The following UBE2J2 variants were observed in gnomAD, a reference collection of about 807,000 sequenced individuals.
The protein encoded by UBE2J2 is ubiquitin conjugating enzyme E2 J2, also known as ubiquitin-conjugating enzyme E2 J2.
UBE2J2 carries 5 observed loss-of-function variants against 28.6 expected under a neutral mutation model. The ratio of observed to expected loss-of-function variants is 0.17; its 90% CI spans 0.09 to 0.37. The LOEUF (loss-of-function observed/expected upper bound fraction) is 0.37. Among genes scored for constraint, UBE2J2 ranks in the 10% least tolerant of loss-of-function variants. UBE2J2 has a pLI of 1.00. For synonymous variants in UBE2J2, 138 were observed against 139.7 expected, an observed-to-expected ratio of 0.99 and a Z score of 0.09; for missense variants, 226 against 338.9, an observed-to-expected ratio of 0.67 and a Z score of 2.62.
Position 1,259,157 on chromosome 1 carries a change from C to T in UBE2J2, c.173-1847G>A, listed in dbSNP as rs191592000. Among the ~76,000 whole-genome samples, 343 of 148,956 alleles carry T rather than the reference C, an allele frequency of 2.3e-3. 2 individuals are homozygous for T. Among genetic ancestry groups the T allele is most frequent in the Admixed American group, 4.8e-3 (73 of 15,068 alleles). On this transcript the variant is annotated intron_variant, in intron 3 of 6. Transcript: ENST00000349431. Reference sequence around the variant, plus strand: ...TGCATGCCATCAGGACGCGTGTGTGCGTGTCTGAGTGTGTGCATGCCATCA... The same window carrying T: ...TGCATGCCATCAGGACGCGTGTGTGTGTGTCTGAGTGTGTGCATGCCATCA...
At chr1:1,259,227 T>C (rs1240096505) in intron 3 of UBE2J2, among the ~76,000 whole-genome samples, 1 of 149,326 alleles carries the variant, frequency 6.7e-6, no homozygotes, top group African/African-American at 2.5e-5. Flanking sequence ...TCAGGACGCA[T>C]GTATGTGCGT....
At chr1:1,269,746 G>A (rs998644565) in intron 1 of UBE2J2, among the ~76,000 whole-genome samples, 3 of 152,292 alleles carry the variant, frequency 2.0e-5, no homozygotes, top group African/African-American at 4.8e-5. Flanking sequence ...TTACAGGCGT[G>A]AGTCCCCGCG....
chr1:1,272,859 T>C (rs922952459), intron 1 of UBE2J2: 2 of 153,528 alleles, frequency 1.3e-5, no homozygotes, highest in African/African-American at 4.8e-5. Context: ...TCACGATCCT[T>C]TCTTCGGAAG....
At chr1:1,256,467 C>A in intron 5 of UBE2J2, 2 of 273,304 alleles carry the variant, frequency 7.3e-6, no homozygotes, top group South Asian at 8.2e-5. Flanking sequence ...GTGGATGAGG[C>A]TGGATGTGGA....
At chr1:1,263,208 T>A in intron 3 of UBE2J2, 138 bp downstream of exon 3, 1 of 783,290 alleles carries the variant, frequency 1.3e-6, no homozygotes, top group Non-Finnish European at 2.2e-6. Context: ...CGAGGAGGAG[T>A]TCCAACTAAG....
In UBE2J2 at chr1:1,268,605, G is replaced by C. The variant is rs564829596; in HGVS notation, c.1-613C>G. Among the ~76,000 whole-genome samples the C allele has an allele frequency of 1.3e-5, 2 of 152,220 alleles. No individual in the cohort carries two copies. The highest frequency in any genetic ancestry group is 2.9e-5 in the Non-Finnish European group (2 of 68,046). The stretch of plus-strand genomic sequence containing the variant: ...GGTAGAAGGGGCCACAGGTGAACAG[G>C]CCACACCTGAGAAAGTGCAGTGTGC... On this transcript the variant is annotated intron_variant, in intron 1 of 6. Transcript: ENST00000349431. This position sits in a 1 kb window ranked among gnomAD's most constrained non-coding sequence, Gnocchi z 4.7.
chr1:1,267,836 G>A (rs1248131711), intron 2 of UBE2J2, 26 bp downstream of exon 2: 1 of 1,612,292 alleles, frequency 6.2e-7, no homozygotes, highest in Non-Finnish European at 8.5e-7. Flanking sequence ...AGTCAGCGCA[G>A]GGCGATCAGT....
intron 5 of UBE2J2, among the ~76,000 whole-genome samples, chr1:1,256,491 G>A (rs1639180650): frequency 1.3e-5 from 2 of 152,208 alleles, no homozygotes; most frequent in South Asian, 2.1e-4. Flanking sequence ...AAGCAAGACC[G>A]AGAGGCAGCG....
At chr1:1,265,603 T>TGTGTG (rs1639809833) in intron 2 of UBE2J2, among the ~76,000 whole-genome samples, 7 of 121,024 alleles carry the variant, frequency 5.8e-5, no homozygotes, top group East Asian at 2.6e-4. Flanking sequence ...TTTCTCTCCA[T>TGTGTG]TGTGTGTGTG....
Position 1,257,275 on chromosome 1 carries a change from C to A in UBE2J2, c.208G>T (p.Glu70Ter). 6.2e-7 allele frequency: 1 copy of A among 1,612,822 alleles called. No individual in the cohort carries two copies. The highest frequency in any genetic ancestry group is 1.1e-5 in the South Asian group (1 of 91,002). Residue 70 changes from glutamate to a stop codon, truncating the protein, a stop_gained, in exon 4 of 7, where the codon GAA becomes TAA. Coordinates refer to ENST00000349431, the MANE Select transcript of UBE2J2 (RefSeq NM_058167.3). LOFTEE classifies it high-confidence loss of function. ...YYHGKLIFPR[E>*]FPFKPPSIYM... is the part of the protein sequence containing the mutation. ...ATACTGGGAGGTTTGAAAGGAAATT[C>A]TCTGGGAAAAATTAGTTTTCCATGA...
chr1:1,263,552 C>T (rs1570561973), intron 2 of UBE2J2, 166 bp from the exon 3 acceptor site: 4 of 646,730 alleles, frequency 6.2e-6, no homozygotes, highest in South Asian at 5.1e-5. Flanking sequence ...TCAAAACCCC[C>T]GTCTCTTCTA....
At chr1:1,260,965 C>T (rs1031236777) in intron 3 of UBE2J2, among the ~76,000 whole-genome samples, 2 of 152,202 alleles carry the variant, frequency 1.3e-5, no homozygotes, top group Non-Finnish European at 2.9e-5. Flanking sequence ...AGTGGGCACG[C>T]CTGGGCAGCA....
Position 1,268,382 on chromosome 1 carries a change from C to G in UBE2J2, c.1-390G>C, listed in dbSNP as rs1049277950. Among the ~76,000 whole-genome samples the G allele has an allele frequency of 3.3e-5, 5 of 152,156 alleles. No homozygotes were observed. The East Asian group carries it at 5.8e-4, about 18-fold the overall frequency. On this transcript the variant is annotated intron_variant, in intron 1 of 6. Transcript: ENST00000349431. This position sits in a 1 kb window ranked among gnomAD's most constrained non-coding sequence, Gnocchi z 4.7. The stretch of plus-strand genomic sequence containing the variant: ...ACCTTCCAACTCAGCTCAAGGACCC[C>G]GCACTGATGGAGAATCCACACCATA...
chr1:1,262,297 T>G, intron 3 of UBE2J2: 1 of 455,622 alleles, frequency 2.2e-6, no homozygotes, highest in Non-Finnish European at 4.4e-6. Context: ...CCAACGCTGG[T>G]CATGGGCAAT....
intron 1 of UBE2J2, among the ~76,000 whole-genome samples, chr1:1,272,489 T>A (rs1640203154): frequency 1.3e-5 from 2 of 152,194 alleles, no homozygotes; most frequent in Admixed American, 1.3e-4. Flanking sequence ...GCCAGGCGCA[T>A]GGCACACCCA....
At chr1:1,272,125 G>A (rs1169528771) in intron 1 of UBE2J2, among the ~76,000 whole-genome samples, 2 of 151,804 alleles carry the variant, frequency 1.3e-5, no homozygotes, top group African/African-American at 2.4e-5. Flanking sequence ...CTGCACTCTA[G>A]CTGGGCCAAC....
intron 2 of UBE2J2, chr1:1,266,331 C>A: frequency 2.4e-6 from 1 of 422,666 alleles, no homozygotes; most frequent in Non-Finnish European, 3.9e-6. Flanking sequence ...GTGGCTCAAG[C>A]CTGTAATCCC....
chr1:1,265,992 T>G, intron 2 of UBE2J2: 1 of 1,234,798 alleles, frequency 8.1e-7, no homozygotes, highest in South Asian at 1.3e-5. Context: ...GCACCGGGAC[T>G]TGGGGACGCC....
At chr1:1,259,384 A>G (rs569117038) in intron 3 of UBE2J2, among the ~76,000 whole-genome samples, 1 of 152,340 alleles carries the variant, frequency 6.6e-6, no homozygotes, top group African/African-American at 2.4e-5. Context: ...ATGCGTGTGC[A>G]TGCCATCAGG....
Sources: allele counts gnomAD v4.1 joint callset (sites outside exome capture counted in the v4.1 genomes callset), GRCh38; gene constraint gnomAD v4.1.1; non-coding constraint Gnocchi (gnomAD v3.1); transcripts MANE v1.5; gene names NCBI Gene and HGNC (gene_info 2026-07-23, HGNC 2026-07-21).